PRSS1: variants seen among roughly 807,000 people sequenced by gnomAD.
PRSS1 encodes TCR V beta 4.1.
Under a neutral mutation model 24.2 loss-of-function variants are expected in PRSS1, and 22 were observed. That is an observed-to-expected ratio of 0.91 (90% CI 0.65 to 1.30). The LOEUF (loss-of-function observed/expected upper bound fraction) is 1.30. Among genes scored for constraint, PRSS1 ranks in the 50% most tolerant of loss-of-function variants. PRSS1 has a pLI of 0.00. For synonymous variants in PRSS1, 126 were observed against 116.1 expected, an observed-to-expected ratio of 1.08 and a Z score of -0.55; for missense variants, 366 against 304.2, an observed-to-expected ratio of 1.20 and a Z score of -1.51.
At chr7:142,750,407 T>C in intron 1 of PRSS1, 148 bp from the exon 2 acceptor site, 2 of 991,778 alleles carry the variant, frequency 2.0e-6, no homozygotes, top group Non-Finnish European at 3.0e-6. Flanking sequence ...CAGGCAGTGA[T>C]GATCACCAGG....
At position 142,751,337 on chromosome 7, in the gene PRSS1, C is replaced by T. The variant is rs1026971743; in HGVS notation, c.201-437C>T. On this transcript the variant is annotated intron_variant, in intron 2 of 4. Coordinates refer to ENST00000311737, the MANE Select transcript of PRSS1 (RefSeq NM_002769.5). ...TTCCCAGGAGATGCTAATGCTATGG[C>T]TACCCTTGGATTAGATTACACAGAA... 10 of 592,790 alleles carry T rather than the reference C, an allele frequency of 1.7e-5. No individual in the cohort carries two copies. In the African/African-American group the frequency reaches 1.9e-4, roughly 11 times the overall value. 36.7% of individuals were successfully genotyped at this position (592,790 alleles called of 1,614,324 possible). A position where few individuals can be genotyped will look rare whatever the true frequency, so the allele number is the denominator to read the frequency against.
intron 3 of PRSS1, 119 bp from the exon 4 acceptor site, chr7:142,752,312 T>A: frequency 7.5e-7 from 1 of 1,333,958 alleles, no homozygotes. Context: ...CCAGGACTTA[T>A]GTTCTGGAGT....
chr7:142,752,983 T>A lies in PRSS1; in HGVS notation c.707T>A (p.Val236Glu). The A allele has an allele frequency of 1.2e-6, 2 of 1,613,608 alleles. No homozygotes were observed. The highest frequency in any genetic ancestry group is 1.7e-6 in the Non-Finnish European group (2 of 1,179,898). The change falls in exon 5 of 5, where the codon GTG becomes GAG. Residue 236 changes from valine to glutamate, a missense_variant. Physicochemically the swap from Val to Glu is moderately radical, Grantham distance 121 (BLOSUM62 -2). Coordinates refer to ENST00000311737, the MANE Select transcript of PRSS1 (RefSeq NM_002769.5). Reference protein sequence around the residue: ...PGVYTKVYNYVKWIKNTIAAN... With the variant: ...PGVYTKVYNYEKWIKNTIAAN... ...GTCTACACCAAGGTCTACAACTATG[T>A]GAAATGGATTAAGAACACCATAGCT...
chr7:142,751,570 A>C, intron 2 of PRSS1: 1 of 923,504 alleles, frequency 1.1e-6, no homozygotes, highest in South Asian at 1.7e-5. Context: ...CCACCCCACT[A>C]CCACCAACCT....
Position 142,749,541 on chromosome 7 carries a change from G to C in PRSS1, c.40+17G>C, listed in dbSNP as rs1563257066. ...CAGCTGCTCGTGAGTATCATGCCCT[G>C]CCTCAGGCCCCAACCACCCCCCCGT... On this transcript the variant is annotated intron_variant, in intron 1 of 4. Transcript: ENST00000311737. The C allele has an allele frequency of 6.2e-7, 1 of 1,613,790 alleles. No individual in the cohort carries two copies. Among genetic ancestry groups the C allele is most frequent in the East Asian group, 2.2e-5 (1 of 44,868 alleles).
chr7:142,750,948 T>A (rs755463059), intron 2 of PRSS1: 2 of 760,746 alleles, frequency 2.6e-6, no homozygotes, highest in South Asian at 2.9e-5. Context: ...CAGGCAGGGA[T>A]GATCTTGGGG....
Position 142,749,484 on chromosome 7 carries a change from C to G in PRSS1, c.-1C>G. 6 of 1,614,182 alleles carry G rather than the reference C, an allele frequency of 3.7e-6. No individual in the cohort carries two copies. Among genetic ancestry groups the G allele is most frequent in the Non-Finnish European group, 5.1e-6 (6 of 1,180,018 alleles). On this transcript the variant is annotated 5_prime_UTR_variant, in exon 1 of 5. Transcript: ENST00000311737. ...CCACCAGTCAGGCACACTCTACCACCATGAATCCACTCCTGATCCTTACCT... is the reference window on the plus strand; with the variant it reads ...CCACCAGTCAGGCACACTCTACCACGATGAATCCACTCCTGATCCTTACCT...
chr7:142,750,647 TACC>T lies in PRSS1; in HGVS notation c.136_138del (p.His46del). The T allele has an allele frequency of 6.2e-7, 1 of 1,614,062 alleles. No homozygotes were observed. The highest frequency in any genetic ancestry group is 8.5e-7 in the Non-Finnish European group (1 of 1,179,878). On this transcript the variant is annotated inframe_deletion, in exon 2 of 5. Transcript: ENST00000311737. ...CTACCAGGTGTCCCTGAATTCTGGC[TACC>T]ACTTCTGTGGTGGCTCCCTCATCAA...
At chr7:142,752,157 C>G (rs1171689996) in intron 3 of PRSS1, 130 bp downstream of exon 3, 26 of 1,419,280 alleles carry the variant, frequency 1.8e-5, no homozygotes, top group East Asian at 4.6e-5. Context: ...CACACAGACT[C>G]TGCACTGGGC....
In PRSS1 at chr7:142,750,640, T is replaced by C. The variant is rs1272314177; in HGVS notation, c.126T>C (p.Asn42=). ...CTGTCCCCTACCAGGTGTCCCTGAA[T>C]TCTGGCTACCACTTCTGTGGTGGCT... ...ENSVPYQVSL[N]SGYHFCGGSL... is the part of the protein sequence containing the mutation. The change falls in exon 2 of 5, where the codon AAT becomes AAC. Residue 42 remains asparagine, a synonymous_variant. Transcript: ENST00000311737. 6.2e-7 allele frequency: 1 copy of C among 1,614,040 alleles called. No homozygotes were observed. The highest frequency in any genetic ancestry group is 8.5e-7 in the Non-Finnish European group (1 of 1,179,866).
intron 3 of PRSS1, among the ~76,000 whole-genome samples, 164 bp downstream of exon 3, chr7:142,752,191 G>A (rs1004595187): frequency 1.2e-4 from 19 of 152,250 alleles, no homozygotes; most frequent in Admixed American, 6.5e-4. Flanking sequence ...AAACTATCAA[G>A]GACTTGGCTC....
At chr7:142,749,613 G>A (rs1798515332) in intron 1 of PRSS1, 89 bp downstream of exon 1, 11 of 1,511,042 alleles carry the variant, frequency 7.3e-6, no homozygotes, top group Non-Finnish European at 9.2e-6. Context: ...CTCCTCTTTT[G>A]ACTGTGCTCT....
chr7:142,751,090 A>C (rs1798680334), intron 2 of PRSS1: 2 of 699,718 alleles, frequency 2.9e-6, no homozygotes, highest in Admixed American at 2.0e-5. Context: ...CAAAATTTTC[A>C]GGAAGAGGGT....
At chr7:142,749,609 T>A in intron 1 of PRSS1, 85 bp downstream of exon 1, 2 of 1,515,386 alleles carry the variant, frequency 1.3e-6, no homozygotes, top group Admixed American at 3.3e-5. Flanking sequence ...ACCTCTCCTC[T>A]TTTGACTGTG....
Position 142,750,549 on chromosome 7 carries a change from C to G in PRSS1, c.41-6C>G. The G allele has an allele frequency of 6.2e-7, 1 of 1,614,038 alleles. No homozygotes were observed. The highest frequency in any genetic ancestry group is 8.5e-7 in the Non-Finnish European group (1 of 1,179,876). ...CTTGCCTTCTCCCTTCCCATCTCCA[C>G]TCCAGTTGCTGCCCCCTTTGATGAT... is the stretch of plus-strand genomic sequence containing the variant. On this transcript the variant is annotated splice_polypyrimidine_tract_variant and splice_region_variant and intron_variant, in intron 1 of 4. Coordinates refer to ENST00000311737, the MANE Select transcript of PRSS1 (RefSeq NM_002769.5).
At position 142,750,732 on chromosome 7, in the gene PRSS1, G is replaced by T. The variant is rs778658500; in HGVS notation, c.200+18G>T. 2 of 1,613,626 alleles carry T rather than the reference G, an allele frequency of 1.2e-6. No homozygotes were observed. Among genetic ancestry groups the T allele is most frequent in the African/African-American group, 1.3e-5 (1 of 74,820 alleles). On this transcript the variant is annotated intron_variant, in intron 2 of 4. Coordinates refer to ENST00000311737, the MANE Select transcript of PRSS1 (RefSeq NM_002769.5). ...TACAAGTCGTAAGTGTGGGGCCCCC[G>T]ACTGCAAAGCTCCCGGCCAGTCTGC...
rs1443416930 is a variant in PRSS1 at position 142,750,838 on chromosome 7, T to C, written c.200+124T>C. 4 of 1,459,740 alleles carry C rather than the reference T, an allele frequency of 2.7e-6. No individual in the cohort carries two copies. In the African/African-American group the frequency reaches 4.2e-5, roughly 15 times the overall value. 90.4% of individuals were successfully genotyped at this position (1,459,740 alleles called of 1,614,324 possible). On this transcript the variant is annotated intron_variant, in intron 2 of 4. Coordinates refer to ENST00000311737, the MANE Select transcript of PRSS1 (RefSeq NM_002769.5). ...GAGAGGTGGTGGAGAAGAAAACTTG[T>C]TGGCAGCTGCGGACTCTCCAGAGCA... is the stretch of plus-strand genomic sequence containing the variant.
chr7:142,749,533 C>T lies in PRSS1; in HGVS notation c.40+9C>T. 1 of 1,614,074 alleles carries T rather than the reference C, an allele frequency of 6.2e-7. No individual in the cohort carries two copies. The highest frequency in any genetic ancestry group is 8.5e-7 in the Non-Finnish European group (1 of 1,179,966). ...CTTTGTGGCAGCTGCTCGTGAGTAT[C>T]ATGCCCTGCCTCAGGCCCCAACCAC... On this transcript the variant is annotated intron_variant, in intron 1 of 4. Transcript: ENST00000311737.
In PRSS1 at chr7:142,752,569, T is replaced by C. The variant is rs1798835934; in HGVS notation, c.591+2T>C. The C allele has an allele frequency of 3.1e-6, 5 of 1,613,994 alleles. No individual in the cohort carries two copies. The highest frequency in any genetic ancestry group is 4.2e-6 in the Non-Finnish European group (5 of 1,180,000). On this transcript the variant is annotated splice_donor_variant, in intron 4 of 4. Transcript: ENST00000311737. LOFTEE classifies it high-confidence loss of function. ...GAGGGAGGCAAGGATTCATGTCAGG[T>C]GATTTGACCAACCCTTCCCATGCTG... is the stretch of plus-strand genomic sequence containing the variant.
Sources: allele counts gnomAD v4.1 joint callset (sites outside exome capture counted in the v4.1 genomes callset), GRCh38; gene constraint gnomAD v4.1.1; transcripts MANE v1.5; gene names NCBI Gene and HGNC (gene_info 2026-07-23, HGNC 2026-07-21).